Variants in PKHD1 observed in about 807,000 individuals in gnomAD.
PKHD1 encodes PKHD1 ciliary IPT domain containing fibrocystin/polyductin.
Under a neutral mutation model 412.0 loss-of-function variants are expected in PKHD1, and 291 were observed. That is an observed-to-expected ratio of 0.71 (90% CI 0.64 to 0.78). PKHD1 has a LOEUF of 0.78. PKHD1 is among the 30% of genes least tolerant of loss of function. The pLI, the probability that PKHD1 is intolerant of heterozygous loss-of-function variation, is 0.00. For synonymous variants in PKHD1, 1,777 were observed against 1,821.5 expected (o/e 0.98, Z 0.62); for missense variants, 4,825 against 4,950.7 (o/e 0.97, Z 0.76).
chr6:51,671,186 A>C (rs560751613), intron 60 of PKHD1, among the ~76,000 whole-genome samples: 3 of 152,162 alleles, frequency 2.0e-5, no homozygotes, highest in Admixed American at 1.3e-4. Flanking sequence ...CAGGTACACC[A>C]ATCAGACGTA....
chr6:51,911,675 G>C, intron 39 of PKHD1, 124 bp downstream of exon 39: 1 of 822,966 alleles, frequency 1.2e-6, no homozygotes, highest in South Asian at 1.4e-5. Flanking sequence ...GAAAAGTATG[G>C]GCATCCAAAG....
At chr6:51,938,231 T>C (rs1036799818) in intron 36 of PKHD1, among the ~76,000 whole-genome samples, 2 of 152,236 alleles carry the variant, frequency 1.3e-5, no homozygotes, top group African/African-American at 4.8e-5. Context: ...AACATCACTA[T>C]TTTAGAAACT....
intron 43 of PKHD1, among the ~76,000 whole-genome samples, chr6:51,888,446 T>A (rs1426737365): frequency 6.6e-6 from 1 of 151,802 alleles, no homozygotes; most frequent in Non-Finnish European, 1.5e-5. Flanking sequence ...GGTTTAAGAC[T>A]GTACACAGAT....
At chr6:51,619,578 C>T in intron 66 of PKHD1, 58 bp from the exon 67 acceptor site, 3 of 1,356,758 alleles carry the variant, frequency 2.2e-6, no homozygotes, top group South Asian at 1.2e-5. Context: ...GTTAATTACA[C>T]ATTTTGCATA....
At chr6:51,973,453 T>G (rs906798994) in intron 35 of PKHD1, among the ~76,000 whole-genome samples, 6 of 152,208 alleles carry the variant, frequency 3.9e-5, no homozygotes, top group Non-Finnish European at 8.8e-5. Context: ...AATTTCCTTT[T>G]TACGTGTCCT....
intron 35 of PKHD1, among the ~76,000 whole-genome samples, chr6:51,973,668 C>G (rs1358938112): frequency 1.3e-5 from 2 of 152,218 alleles, no homozygotes; most frequent in East Asian, 1.9e-4. Flanking sequence ...AAGACCACAA[C>G]ACCTCTCAGA....
chr6:51,849,364 T>C (rs769254043), intron 49 of PKHD1, among the ~76,000 whole-genome samples: 3 of 152,236 alleles, frequency 2.0e-5, no homozygotes, highest in African/African-American at 7.2e-5. Context: ...TACATGTGCA[T>C]GTGTCTTTAC....
intron 52 of PKHD1, among the ~76,000 whole-genome samples, chr6:51,804,150 T>C (rs2151342655): frequency 6.6e-6 from 1 of 151,438 alleles, no homozygotes; most frequent in African/African-American, 2.4e-5. Flanking sequence ...CTTCCTACTT[T>C]CGAGTGCCCA....
rs1801601293 is a variant in PKHD1 at position 52,022,849 on chromosome 6, C to T, written c.5332G>A (p.Ala1778Thr). Residue 1778 changes from alanine (A) to threonine (T), a missense_variant, in exon 33 of 67, where the codon GCT becomes ACT. Physicochemically the swap from Ala to Thr is moderately conservative, Grantham distance 58. Coordinates refer to ENST00000371117, the MANE Select transcript of PKHD1 (RefSeq NM_138694.4). ...AVCGAPCRVL[A>T]NATVSAFSCL... Reference sequence around the variant, plus strand: ...CTGAAGGCAGACACTGTAGCATTAGCCAGGACTCGGCAGGGAGCACCACAC... The same window carrying T: ...CTGAAGGCAGACACTGTAGCATTAGTCAGGACTCGGCAGGGAGCACCACAC... 1 of 1,614,000 alleles carries T rather than the reference C, an allele frequency of 6.2e-7. No homozygotes were observed. Among genetic ancestry groups the T allele is most frequent in the Non-Finnish European group, 8.5e-7 (1 of 1,180,036 alleles).
At chr6:51,822,051 C>T (rs1157301373) in intron 52 of PKHD1, among the ~76,000 whole-genome samples, 1 of 152,182 alleles carries the variant, frequency 6.6e-6, no homozygotes, top group African/African-American at 2.4e-5. Flanking sequence ...GAGCTATACA[C>T]ATTAACCAGT....
At chr6:51,872,260 A>G in intron 46 of PKHD1, among the ~76,000 whole-genome samples, 1 of 152,206 alleles carries the variant, frequency 6.6e-6, no homozygotes, top group East Asian at 1.9e-4. Flanking sequence ...AGTCCCACTC[A>G]GTATCTAGCA....
intron 37 of PKHD1, among the ~76,000 whole-genome samples, chr6:51,929,657 A>C (rs1786272634): frequency 6.6e-6 from 1 of 152,212 alleles, no homozygotes; most frequent in Non-Finnish European, 1.5e-5. Context: ...CAGTACTCAT[A>C]GCAACCATGG....
chr6:51,926,563 T>A (rs1785659814), intron 37 of PKHD1, among the ~76,000 whole-genome samples: 2 of 152,188 alleles, frequency 1.3e-5, no homozygotes, highest in African/African-American at 4.8e-5. Flanking sequence ...TAGCTAGAAC[T>A]CATTTCTAAT....
At chr6:52,071,374 T>TA (rs1418778000) in intron 8 of PKHD1, among the ~76,000 whole-genome samples, 1 of 151,896 alleles carries the variant, frequency 6.6e-6, no homozygotes, top group Admixed American at 6.6e-5. Context: ...CCTTTATTTT[T>TA]AAAAAATCTG....
rs564347705 is a variant in PKHD1, at chr6:51,943,348, A to G, written c.5909-9026T>C. Among the ~76,000 whole-genome samples the G allele has an allele frequency of 9.9e-5, 15 of 151,140 alleles. 1 individual carries two copies. Among genetic ancestry groups the G allele is most frequent in the Non-Finnish European group, 7.4e-5 (5 of 67,536 alleles). ...AAGACGCTCCTTTTTATTAGGCCCC[A>G]GTCTCATTCCAGACACCAGACCAAC... On this transcript the variant is annotated intron_variant, in intron 36 of 66. Coordinates refer to ENST00000371117, the MANE Select transcript of PKHD1 (RefSeq NM_138694.4).
intron 33 of PKHD1, among the ~76,000 whole-genome samples, chr6:52,018,262 G>A (rs1800847428): frequency 6.6e-6 from 1 of 152,088 alleles, no homozygotes; most frequent in South Asian, 2.1e-4. Flanking sequence ...CATCTAGGGT[G>A]CATGCCTATC....
At chr6:51,805,744 T>C (rs6458791) in intron 52 of PKHD1, among the ~76,000 whole-genome samples, 90,663 of 151,724 alleles carry the variant, frequency 0.6, 27,500 homozygotes, top group East Asian at 0.78. Flanking sequence ...CCAACTCATA[T>C]TTTTCAGAGT....
intron 52 of PKHD1, among the ~76,000 whole-genome samples, chr6:51,820,366 T>C (rs1766191595): frequency 6.6e-6 from 1 of 152,206 alleles, no homozygotes; most frequent in Non-Finnish European, 1.5e-5. Flanking sequence ...GGAAGCTCTA[T>C]GTCCCTATAG....
intron 65 of PKHD1, among the ~76,000 whole-genome samples, chr6:51,630,679 CT>C (rs1383445851): frequency 6.6e-6 from 1 of 151,998 alleles, no homozygotes. Flanking sequence ...ACCAGAGAAT[CT>C]TTTTTTATGA....
Sources: allele counts gnomAD v4.1 joint callset (sites outside exome capture counted in the v4.1 genomes callset), GRCh38; gene constraint gnomAD v4.1.1; transcripts MANE v1.5; gene names NCBI Gene and HGNC (gene_info 2026-07-23, HGNC 2026-07-21).